Variants in POLR1A observed in about 807,000 individuals in gnomAD.
The protein encoded by POLR1A is RNA polymerase I subunit A.
In POLR1A, 84 loss-of-function variants were observed where a neutral mutation model predicts 205.3. The ratio of observed to expected loss-of-function variants is 0.41; its 90% confidence interval spans 0.34 to 0.49. POLR1A has a LOEUF of 0.49. Ranked by LOEUF, POLR1A falls within the 20% of genes least tolerant of loss-of-function variation. POLR1A has a pLI of 0.22. For missense variants in POLR1A, 1,645 were observed against 2,204.5 expected (o/e 0.75, Z 5.08); for synonymous variants, 799 against 863.7 (o/e 0.93, Z 1.31).
rs775041328 is a variant in POLR1A at position 86,030,916 on chromosome 2, G to A, written c.4578+414C>T. Among the ~76,000 whole-genome samples, 18 of 152,290 alleles carry A rather than the reference G, an allele frequency of 1.2e-4. 1 individual carries two copies. Among genetic ancestry groups the A allele is most frequent in the African/African-American group, 2.4e-4 (10 of 41,542 alleles). ...CTGAAGTGTCCCTGCCTGAGGGCACGAACAGTGTCTCTACAACACGTGTGG... is the reference window on the plus strand; with the variant it reads ...CTGAAGTGTCCCTGCCTGAGGGCACAAACAGTGTCTCTACAACACGTGTGG... On this transcript the variant is annotated intron_variant, in intron 30 of 33. Coordinates refer to ENST00000263857, the MANE Select transcript of POLR1A (RefSeq NM_015425.6).
At chr2:86,091,021 C>T (rs1029257144) in intron 3 of POLR1A, among the ~76,000 whole-genome samples, 16 of 152,194 alleles carry the variant, frequency 1.1e-4, no homozygotes, top group Non-Finnish European at 1.6e-4. Flanking sequence ...AGAAATCTAA[C>T]AGGAAGCCAT....
chr2:86,027,186 C>A lies in POLR1A; in HGVS notation c.*237G>T, dbSNP rs1672275251. On this transcript the variant is annotated 3_prime_UTR_variant, in exon 34 of 34. Transcript: ENST00000263857. Reference sequence around the variant, plus strand: ...GGGGGACTCAGAAGACTTGGTAAACCTTGATAAAAATCCAGAGACAGGGAG... The same window carrying A: ...GGGGGACTCAGAAGACTTGGTAAACATTGATAAAAATCCAGAGACAGGGAG... 5.2e-6 allele frequency: 3 copies of A among 572,990 alleles called. No homozygotes were observed. The East Asian group carries it at 8.6e-5, about 17-fold the overall frequency. 35.5% of individuals were successfully genotyped at this position (572,990 alleles called of 1,614,324 possible). A position where few individuals can be genotyped will look rare whatever the true frequency, so the allele number is the denominator to read the frequency against.
chr2:86,076,609 A>G (rs1673288405), intron 11 of POLR1A, among the ~76,000 whole-genome samples: 1 of 152,214 alleles, frequency 6.6e-6, no homozygotes, highest in Non-Finnish European at 1.5e-5. Flanking sequence ...CCAGGCCACC[A>G]TGGCCCTGAG....
Position 86,026,883 on chromosome 2 carries a change from T to C in POLR1A, c.*540A>G, listed in dbSNP as rs1672263720. ...AAGAAGTCTTGATGGGGACTCTTTG[T>C]GGACTCTGCCCCCAGGGGCTGGAGC... On this transcript the variant is annotated 3_prime_UTR_variant, in exon 34 of 34. Transcript: ENST00000263857. The C allele has an allele frequency of 5.9e-6, 1 of 168,250 alleles. No homozygotes were observed. The highest frequency in any genetic ancestry group is 5.4e-5 in the Admixed American group (1 of 18,404). 10.4% of individuals were successfully genotyped at this position (168,250 alleles called of 1,614,324 possible).
intron 1 of POLR1A, among the ~76,000 whole-genome samples, chr2:86,104,259 C>T (rs1369616927): frequency 6.6e-6 from 1 of 151,840 alleles, no homozygotes; most frequent in African/African-American, 2.4e-5. Context: ...AACACAGTAG[C>T]AATTGGGAGA....
intron 11 of POLR1A, among the ~76,000 whole-genome samples, chr2:86,075,633 C>T (rs772387431): frequency 3.9e-5 from 6 of 152,076 alleles, no homozygotes; most frequent in Non-Finnish European, 7.4e-5. Context: ...CTCAGCCTCC[C>T]GAGTAACTGG....
chr2:86,093,574 T>C (rs983463769), intron 3 of POLR1A, among the ~76,000 whole-genome samples: 1 of 152,204 alleles, frequency 6.6e-6, no homozygotes, highest in African/African-American at 2.4e-5. Context: ...ATGCCTGTAA[T>C]CCCAGCACTC....
chr2:86,029,765 T>A (rs1445066332), intron 31 of POLR1A, among the ~76,000 whole-genome samples: 1 of 148,344 alleles, frequency 6.7e-6, no homozygotes, highest in Non-Finnish European at 1.5e-5. Context: ...CCCGGCTATT[T>A]TTTTTTTGTA....
At chr2:86,101,253 C>T (rs571725156) in intron 1 of POLR1A, among the ~76,000 whole-genome samples, 1 of 152,234 alleles carries the variant, frequency 6.6e-6, no homozygotes, top group East Asian at 1.9e-4. Flanking sequence ...AGAGGAAATC[C>T]GAAGGCTGAA....
intron 7 of POLR1A, among the ~76,000 whole-genome samples, chr2:86,081,930 T>C (rs1451390137): frequency 6.6e-6 from 1 of 152,132 alleles, no homozygotes; most frequent in East Asian, 1.9e-4. Context: ...CTCCCAGGCT[T>C]AGGCAATCCT....
In POLR1A at chr2:86,032,326, C is replaced by G. The variant is rs768457144; in HGVS notation, c.4218G>C (p.Glu1406Asp). Residue 1406 changes from glutamate to aspartate, a missense_variant, in exon 29 of 34, where the codon GAG becomes GAC. By Grantham distance (45) the Glu-to-Asp change is conservative. Coordinates refer to ENST00000263857, the MANE Select transcript of POLR1A (RefSeq NM_015425.6). ...CATCAGAGGCATCGGCGTCCCCCTC[C>G]TCAGCTTCAGCATCCACAATGTGCC... ...EEGHIVDAEA[E>D]EGDADASDAK... The G allele has an allele frequency of 1.9e-6, 3 of 1,613,750 alleles. No homozygotes were observed. Among genetic ancestry groups the G allele is most frequent in the Non-Finnish European group, 2.5e-6 (3 of 1,179,774 alleles).
intron 15 of POLR1A, among the ~76,000 whole-genome samples, chr2:86,053,608 G>A (rs1672845323): frequency 6.6e-6 from 1 of 152,220 alleles, no homozygotes; most frequent in South Asian, 2.1e-4. Flanking sequence ...GGTCTATAAA[G>A]GAAAAGAAAC....
rs150766404 is a variant in POLR1A at position 86,028,892 on chromosome 2, C to T, written c.4780-181G>A. ...GGAAATGGCTAGGCAGAGCTGCTGA[C>T]GGCTCGCTGGCCGGGGCCCAAGGTC... On this transcript the variant is annotated intron_variant, in intron 31 of 33. Coordinates refer to ENST00000263857, the MANE Select transcript of POLR1A (RefSeq NM_015425.6). The surrounding 1 kb of genome is among the most constrained non-coding windows in gnomAD (Gnocchi z 4.5). The T allele has an allele frequency of 1.3e-3, 727 of 581,118 alleles. 10 individuals are homozygous for T. The highest frequency in any genetic ancestry group is 0.012 in the African/African-American group (666 of 53,890). 36.0% of individuals were successfully genotyped at this position (581,118 alleles called of 1,614,324 possible). A position where few individuals can be genotyped will look rare whatever the true frequency, so the allele number is the denominator to read the frequency against.
Position 86,075,016 on chromosome 2 carries a change from C to G in POLR1A, c.1611+14G>C, listed in dbSNP as rs1355283604. On this transcript the variant is annotated intron_variant, in intron 12 of 33. Transcript: ENST00000263857. ...GAGCCGGATGGGTCCCTGACCAAAGCTGCCCTTACTCACAATTTTTGTCCC... is the reference window on the plus strand; with the variant it reads ...GAGCCGGATGGGTCCCTGACCAAAGGTGCCCTTACTCACAATTTTTGTCCC... 3 of 1,575,080 alleles carry G rather than the reference C, an allele frequency of 1.9e-6. No individual in the cohort carries two copies. In the South Asian group the frequency reaches 3.4e-5, roughly 18 times the overall value.
Position 86,043,033 on chromosome 2 carries a change from C to A in POLR1A, c.3298G>T (p.Val1100Leu). Residue 1100 changes from valine (V) to leucine (L), a missense_variant, in exon 23 of 34, where the codon GTG (valine) becomes TTG (leucine). Val to Leu is a conservative substitution (Grantham distance 32). This residue lies in a region of POLR1A where 201 missense variants were observed against 222.3 expected (regional missense o/e 0.90). Coordinates refer to ENST00000263857, the MANE Select transcript of POLR1A (RefSeq NM_015425.6). The part of the protein sequence containing the change: ...LSYSQKIQEA[V>L]KALKLESENR... The stretch of plus-strand genomic sequence containing the variant: ...TCACTCTCAAGTTTCAGGGCTTTCA[C>A]AGCTTCCTGAATTTTCTGGGAATAA... 6.2e-7 allele frequency: 1 copy of A among 1,614,180 alleles called. No homozygotes were observed. The highest frequency in any genetic ancestry group is 8.5e-7 in the Non-Finnish European group (1 of 1,180,020).
intron 1 of POLR1A, among the ~76,000 whole-genome samples, chr2:86,104,555 C>A (rs938789393): frequency 1.3e-5 from 2 of 150,852 alleles, no homozygotes; most frequent in African/African-American, 4.9e-5. Flanking sequence ...TCAAGCGATT[C>A]TCCTGCCTCA....
rs1459602306 is a variant in POLR1A at position 86,065,558 on chromosome 2, C to G, written c.1867-93G>C. The G allele has an allele frequency of 5.7e-6, 6 of 1,055,622 alleles. No individual in the cohort carries two copies. In the East Asian group the frequency reaches 1.5e-4, roughly 26 times the overall value. The allele number at this position is 1,055,622 out of a possible 1,614,324, so 65.4% of individuals were successfully genotyped here. On this transcript the variant is annotated intron_variant, in intron 13 of 33. Coordinates refer to ENST00000263857, the MANE Select transcript of POLR1A (RefSeq NM_015425.6). ...CGCCTGCCTGGAAGCCACTTTCTAT[C>G]AAGAGCCCTTCTTATATCCCTGTCT... is the stretch of plus-strand genomic sequence containing the variant.
At position 86,053,004 on chromosome 2, in the gene POLR1A, C is replaced by A; in HGVS notation, c.2209-4G>T. 5 of 1,570,196 alleles carry A rather than the reference C, an allele frequency of 3.2e-6. No homozygotes were observed. The highest frequency in any genetic ancestry group is 4.3e-6 in the Non-Finnish European group (5 of 1,156,336). The stretch of plus-strand genomic sequence containing the variant: ...GCTCCCCTTCCCTGATGATCACCTG[C>A]AGAGGGCAAGGCCACCAATGCCGGG... On this transcript the variant is annotated splice_region_variant and splice_polypyrimidine_tract_variant and intron_variant, in intron 15 of 33. Transcript: ENST00000263857.
intron 19 of POLR1A, 78 bp downstream of exon 19, chr2:86,047,087 A>G: frequency 3.2e-6 from 3 of 951,624 alleles, no homozygotes; most frequent in Non-Finnish European, 5.1e-6. Context: ...TATAGGGAAC[A>G]AACTGAAACC....
Sources: gnomAD v4.1 joint callset for allele counts (sites outside exome capture counted in the v4.1 genomes callset) on GRCh38, gnomAD v4.1.1 for gene constraint, gnomAD v4.1.1 regional missense constraint, Gnocchi (gnomAD v3.1) non-coding constraint, MANE v1.5 for transcripts, NCBI Gene and HGNC (gene_info 2026-07-23, HGNC 2026-07-21) for gene names.